The following GK5 variants were observed in gnomAD, a reference collection of about 807,000 sequenced individuals.
GK5 encodes the protein glycerol kinase 5, also known as ATP:glycerol 3-phosphotransferase 5.
GK5 carries 39 observed loss-of-function variants against 77.3 expected under a neutral mutation model. That is an observed-to-expected ratio of 0.50 (90% confidence interval 0.39 to 0.66). The LOEUF is 0.66. Among genes scored for constraint, GK5 ranks in the 30% least tolerant of loss-of-function variants. The pLI is 0.00. For synonymous variants in GK5, 211 were observed against 208.0 expected (o/e 1.01, Z -0.13); for missense variants, 487 against 633.8 (o/e 0.77, Z 2.49).
intron 3 of GK5, among the ~76,000 whole-genome samples, chr3:142,210,143 G>A (rs1577145878): frequency 6.6e-6 from 1 of 152,144 alleles, no homozygotes; most frequent in Admixed American, 6.5e-5. Flanking sequence ...ACAGGGGGAT[G>A]GGGGAGAGAT....
intron 12 of GK5, among the ~76,000 whole-genome samples, chr3:142,176,096 C>T (rs1262115068): frequency 2.0e-5 from 3 of 151,952 alleles, no homozygotes; most frequent in Admixed American, 2.0e-4. Flanking sequence ...TAGAGGTTCC[C>T]TCACATCATC....
chr3:142,212,484 T>C (rs1174478529), intron 3 of GK5, among the ~76,000 whole-genome samples: 1 of 151,988 alleles, frequency 6.6e-6, no homozygotes, highest in Non-Finnish European at 1.5e-5. Flanking sequence ...TGCAGTGAGC[T>C]GTAATCATGC....
At chr3:142,175,673 C>T (rs2063599954) in intron 12 of GK5, among the ~76,000 whole-genome samples, 1 of 152,094 alleles carries the variant, frequency 6.6e-6, no homozygotes, top group Admixed American at 6.6e-5. Flanking sequence ...CTACGGTCAA[C>T]CTACCACCTC....
rs551445605 is a variant in GK5 at position 142,173,481 on chromosome 3, G to A, written c.1144-1025C>T. On this transcript the variant is annotated intron_variant, in intron 12 of 15. Coordinates refer to ENST00000392993, the MANE Select transcript of GK5 (RefSeq NM_001039547.3). Reference sequence around the variant, plus strand: ...GGTGGACCACTTGAGTCAGGAGTTCGAAACCAGCCTGGCCAACATGGTGAA... The same window carrying A: ...GGTGGACCACTTGAGTCAGGAGTTCAAAACCAGCCTGGCCAACATGGTGAA... 2.4e-3 allele frequency among the ~76,000 whole-genome samples: 362 copies of A among 152,138 alleles called. 1 individual carries two copies. The highest frequency in any genetic ancestry group is 3.3e-3 in the Non-Finnish European group (225 of 68,000).
intron 3 of GK5, among the ~76,000 whole-genome samples, chr3:142,212,501 A>T (rs1454343420): frequency 1.3e-5 from 2 of 151,964 alleles, no homozygotes; most frequent in Non-Finnish European, 1.5e-5. Flanking sequence ...ATGCCACTAC[A>T]CTCCAGCCTG....
rs994334090 is a variant in GK5 at position 142,157,559 on chromosome 3, T to C, written c.*8063A>G. The C allele has an allele frequency of 2.6e-5, 4 of 152,182 alleles. No individual in the cohort carries two copies. The highest frequency in any genetic ancestry group is 9.7e-5 in the African/African-American group (4 of 41,448). The allele number at this position is 152,182 out of a possible 1,614,324, so 9.4% of individuals were successfully genotyped here. On this transcript the variant is annotated 3_prime_UTR_variant, in exon 16 of 16. Coordinates refer to ENST00000392993, the MANE Select transcript of GK5 (RefSeq NM_001039547.3). Reference sequence around the variant, plus strand: ...TAAAAATGGCTTTAATATACCAACGTACAGATTATTCAGTTCCATTGTAAT... The same window carrying C: ...TAAAAATGGCTTTAATATACCAACGCACAGATTATTCAGTTCCATTGTAAT...
intron 13 of GK5, among the ~76,000 whole-genome samples, chr3:142,172,047 A>C (rs1428522917): frequency 1.3e-5 from 2 of 152,170 alleles, no homozygotes; most frequent in Admixed American, 6.5e-5. Flanking sequence ...TTCATGAATA[A>C]GGATACTAAA....
intron 3 of GK5, among the ~76,000 whole-genome samples, chr3:142,206,039 GTATAA>G (rs1472591588): frequency 5.3e-5 from 8 of 152,124 alleles, no homozygotes; most frequent in Admixed American, 1.3e-4. Context: ...ACTTCACGTA[GTATAA>G]TATAACTTAG....
intron 3 of GK5, among the ~76,000 whole-genome samples, chr3:142,212,167 C>A (rs1005640914): frequency 6.6e-6 from 1 of 152,052 alleles, no homozygotes; most frequent in South Asian, 2.1e-4. Flanking sequence ...TCCTTTGGAG[C>A]CTAATGCTTT....
rs1387946522 is a variant in GK5 at position 142,207,808 on chromosome 3, C to T, written c.318-3020G>A. ...CCACCTAGGAACAAAGAGAGAGCCC[C>T]GTTGTATTGCGGGCTGCTGGCCAGA... On this transcript the variant is annotated intron_variant, in intron 3 of 15. Transcript: ENST00000392993. Among the ~76,000 whole-genome samples, 3 of 152,136 alleles carry T rather than the reference C, an allele frequency of 2.0e-5. No homozygotes were observed. In the East Asian group the frequency reaches 5.8e-4, roughly 29 times the overall value.
In GK5 at chr3:142,225,448, C is replaced by G; in HGVS notation, c.8G>C (p.Gly3Ala). The G allele has an allele frequency of 6.2e-7, 1 of 1,602,756 alleles. No individual in the cohort carries two copies. The highest frequency in any genetic ancestry group is 8.5e-7 in the Non-Finnish European group (1 of 1,178,142). Reference sequence around the variant, plus strand: ...TCTCTGCTCCGGGTCCGTGAGCAGCCCCGACATCCCGATCCCGCACGCCTC... The same window carrying G: ...TCTCTGCTCCGGGTCCGTGAGCAGCGCCGACATCCCGATCCCGCACGCCTC... The part of the protein sequence containing the change: MS[G>A]LLTDPEQRAQ... Residue 3 changes from glycine to alanine, a missense_variant, in exon 1 of 16, where the codon GGG becomes GCG. Physicochemically the swap from Gly to Ala is moderately conservative, Grantham distance 60 (BLOSUM62 0). Around this residue, in one of 4 missense-constraint regions of GK5, gnomAD observed 97 missense variants for 86.9 expected, o/e 1.12. Transcript: ENST00000392993.
At chr3:142,185,382 C>T (rs1055322236) in intron 9 of GK5, 19 of 610,874 alleles carry the variant, frequency 3.1e-5, no homozygotes, top group Non-Finnish European at 3.5e-5. Flanking sequence ...CACTGCACTC[C>T]AGCCTGAGTG....
At position 142,161,485 on chromosome 3, in the gene GK5, T is replaced by C. The variant is rs1000565668; in HGVS notation, c.*4137A>G. The stretch of plus-strand genomic sequence containing the variant: ...CAAGGATAACGTGTACAAACAAAGT[T>C]GCACTAACAAAGTAAAAATTTATCC... On this transcript the variant is annotated 3_prime_UTR_variant, in exon 16 of 16. Coordinates refer to ENST00000392993, the MANE Select transcript of GK5 (RefSeq NM_001039547.3). 4 of 152,234 alleles carry C rather than the reference T, an allele frequency of 2.6e-5. No individual in the cohort carries two copies. 9.4% of individuals were successfully genotyped at this position (152,234 alleles called of 1,614,324 possible). A position where few individuals can be genotyped will look rare whatever the true frequency, so the allele number is the denominator to read the frequency against.
Position 142,165,751 on chromosome 3 carries a change from C to T in GK5, c.1461G>A (p.Glu487=), listed in dbSNP as rs761406067. 1 of 1,611,094 alleles carries T rather than the reference C, an allele frequency of 6.2e-7. No homozygotes were observed. The highest frequency in any genetic ancestry group is 1.1e-5 in the South Asian group (1 of 90,530). Residue 487 remains glutamate, a synonymous_variant, in exon 16 of 16, where the codon GAG becomes GAA. Coordinates refer to ENST00000392993, the MANE Select transcript of GK5 (RefSeq NM_001039547.3). ...GLAVGFWTDK[E]ELKKLRQSEV... ...CACTTTGTCTCAGTTTCTTTAGTTC[C>T]TCCTTGTCAGTCCAAAACCCTATAG...
At chr3:142,192,834 A>C (rs991493247) in intron 5 of GK5, among the ~76,000 whole-genome samples, 2 of 152,182 alleles carry the variant, frequency 1.3e-5, no homozygotes, top group African/African-American at 4.8e-5. Flanking sequence ...TTAGGTGATA[A>C]AAAGAAATGA....
intron 5 of GK5, among the ~76,000 whole-genome samples, chr3:142,196,777 G>A (rs560641562): frequency 6.6e-6 from 1 of 152,288 alleles, no homozygotes; most frequent in Admixed American, 6.5e-5. Flanking sequence ...TCAAGAGAGT[G>A]TATATTCTGT....
chr3:142,215,569 G>T, intron 2 of GK5, 30 bp downstream of exon 2: 1 of 1,174,288 alleles, frequency 8.5e-7, no homozygotes. Context: ...AAACCATAAA[G>T]ATTATTGTTA....
chr3:142,185,941 TG>T lies in GK5; in HGVS notation c.803del (p.Pro268GlnfsTer2). On this transcript the variant is annotated frameshift_variant, in exon 9 of 16. Coordinates refer to ENST00000392993, the MANE Select transcript of GK5 (RefSeq NM_001039547.3). LOFTEE classifies it high-confidence loss of function. ...GTTTCCTACTTACCAAGGCAACTAT[TG>T]GTATAGGCACACCAAATATCTCTTC... ...VDEEIFGVPIPIVALVADQQS... is the reference protein window; with the variant it reads ...VDEEIFGVPIXIVALVADQQS... 1 of 1,606,108 alleles carries T rather than the reference TG, an allele frequency of 6.2e-7. No homozygotes were observed. Among genetic ancestry groups the T allele is most frequent in the South Asian group, 1.1e-5 (1 of 89,082 alleles).
intron 5 of GK5, among the ~76,000 whole-genome samples, chr3:142,191,628 A>G (rs2063852591): frequency 6.6e-6 from 1 of 152,138 alleles, no homozygotes; most frequent in East Asian, 2.0e-4. Context: ...ACTTGAAGTT[A>G]GAAGTTCAAG....
Sources: gnomAD v4.1 joint callset for allele counts (sites outside exome capture counted in the v4.1 genomes callset) on GRCh38, gnomAD v4.1.1 for gene constraint, gnomAD v4.1.1 regional missense constraint, MANE v1.5 for transcripts, NCBI Gene and HGNC (gene_info 2026-07-23, HGNC 2026-07-21) for gene names.